The following CLDN16 variants were observed in gnomAD, a reference collection of about 807,000 sequenced individuals.
CLDN16 encodes claudin-16.
In CLDN16, 13 loss-of-function variants were observed where a neutral mutation model predicts 24.6. The observed-to-expected ratio is 0.53, with a 90% CI of 0.34 to 0.84. The LOEUF (loss-of-function observed/expected upper bound fraction) is 0.84. Ranked by LOEUF, CLDN16 falls within the 40% of genes least tolerant of loss-of-function variation. The pLI is 0.01. For synonymous variants in CLDN16, 116 were observed against 106.7 expected (o/e 1.09, Z -0.54); for missense variants, 298 against 292.7 (o/e 1.02, Z -0.13).
the CLDN16 span, among the ~76,000 whole-genome samples, chr3:190,293,976 A>C: frequency 6.6e-6 from 1 of 152,306 alleles, no homozygotes; most frequent in South Asian, 2.1e-4. Context: ...ACAAGTGTGG[A>C]GTTCAATAAA....
At chr3:190,300,080 A>G in the CLDN16 span, among the ~76,000 whole-genome samples, 2 of 152,244 alleles carry the variant, frequency 1.3e-5, no homozygotes, top group Admixed American at 6.5e-5. Flanking sequence ...TCTATTGGCT[A>G]ATTCTCTGTA....
upstream of CLDN16, among the ~76,000 whole-genome samples, chr3:190,385,550 G>A (rs996700793): frequency 1.4e-5 from 2 of 145,668 alleles, no homozygotes; most frequent in Admixed American, 1.4e-4. Flanking sequence ...CATTAGGAGC[G>A]AATGAATGCT....
At chr3:190,331,370 T>G (rs1717176550) in intron 1 of CLDN16, among the ~76,000 whole-genome samples, 2 of 152,202 alleles carry the variant, frequency 1.3e-5, no homozygotes, top group Non-Finnish European at 2.9e-5. Flanking sequence ...GCTTGTTTAT[T>G]ATTTGCTACA....
chr3:190,350,344 TTA>T (rs10563626), intron 1 of CLDN16, among the ~76,000 whole-genome samples: 7,762 of 141,942 alleles, frequency 0.055, 334 homozygotes, highest in East Asian at 0.14. Context: ...GTTCATAATG[TTA>T]TATATATATA....
At chr3:190,314,978 A>T in the CLDN16 span, among the ~76,000 whole-genome samples, 2 of 152,114 alleles carry the variant, frequency 1.3e-5, no homozygotes, top group Non-Finnish European at 2.9e-5. Context: ...GCTGCTTGTA[A>T]GGTTATTACA....
chr3:190,362,580 C>T (rs1717913584), intron 1 of CLDN16, among the ~76,000 whole-genome samples: 1 of 152,012 alleles, frequency 6.6e-6, no homozygotes, highest in Admixed American at 6.6e-5. Context: ...TTCTCCATTG[C>T]AATTCCCGTG....
intron 1 of CLDN16, among the ~76,000 whole-genome samples, chr3:190,400,023 C>T (rs757170135): frequency 6.6e-6 from 1 of 152,168 alleles, no homozygotes; most frequent in Non-Finnish European, 1.5e-5. Context: ...CCAAAAGCAT[C>T]CCCAACCCCC....
chr3:190,402,403 T>G lies in CLDN16; in HGVS notation c.181T>G (p.Cys61Gly). ...AAATGCTTTTGATGGGATTCGCACCTGTGATGAGTACGATTCCATACTTGC... is the reference window on the plus strand; with the variant it reads ...AAATGCTTTTGATGGGATTCGCACCGGTGATGAGTACGATTCCATACTTGC... ...VTNAFDGIRTCDEYDSILAEH... is the reference protein window; with the variant it reads ...VTNAFDGIRTGDEYDSILAEH... Residue 61 changes from cysteine (C) to glycine (G), a missense_variant, in exon 2 of 5, where the codon TGT (cysteine) becomes GGT (glycine). Physicochemically the swap from Cys to Gly is radical, Grantham distance 159. Coordinates refer to ENST00000264734, the MANE Select transcript of CLDN16 (RefSeq NM_006580.4). The G allele has an allele frequency of 6.2e-7, 1 of 1,613,930 alleles. No individual in the cohort carries two copies. Among genetic ancestry groups the G allele is most frequent in the Non-Finnish European group, 8.5e-7 (1 of 1,179,888 alleles).
At chr3:190,369,952 A>G (rs1560089360) in intron 1 of CLDN16, among the ~76,000 whole-genome samples, 1 of 151,986 alleles carries the variant, frequency 6.6e-6, no homozygotes, top group Admixed American at 6.6e-5. Flanking sequence ...GAGAATTGGC[A>G]AAAAGCCTTA....
At chr3:190,380,144 T>TC (rs1560091466) in intron 3 of CLDN16, among the ~76,000 whole-genome samples, 47 of 12,284 alleles carry the variant, frequency 3.8e-3, no homozygotes, top group African/African-American at 0.013. Context: ...TCCTTCCTTT[T>TC]CTTCCTTCCC....
chr3:190,312,458 C>A, the CLDN16 span, among the ~76,000 whole-genome samples: 2 of 152,306 alleles, frequency 1.3e-5, no homozygotes, highest in Non-Finnish European at 2.9e-5. Context: ...CCAATAATCC[C>A]AATCCTTCCA....
At chr3:190,384,797 A>G (rs917179111), upstream of CLDN16, among the ~76,000 whole-genome samples, 2 of 152,176 alleles carry the variant, frequency 1.3e-5, no homozygotes, top group African/African-American at 4.8e-5. Flanking sequence ...AATTTTAAGC[A>G]TGTGGGATGC....
At chr3:190,322,573 G>A (rs769394150) in exon 1 of CLDN16, 25 of 306,524 alleles carry the variant, frequency 8.2e-5, no homozygotes, top group Non-Finnish European at 1.4e-4. Context: ...GTTGGGGAAC[G>A]CGCGGCTGGC....
intron 1 of CLDN16, among the ~76,000 whole-genome samples, chr3:190,369,597 G>A (rs905558758): frequency 3.3e-5 from 5 of 152,010 alleles, no homozygotes; most frequent in Non-Finnish European, 5.9e-5. Context: ...GAAATTGTAT[G>A]TATATCTTAG....
At chr3:190,294,402 G>A in the CLDN16 span, among the ~76,000 whole-genome samples, 1 of 152,156 alleles carries the variant, frequency 6.6e-6, no homozygotes, top group South Asian at 2.1e-4. Context: ...GGCATTGAAA[G>A]ACAATGTATT....
At chr3:190,350,974 C>G (rs959332058) in intron 1 of CLDN16, among the ~76,000 whole-genome samples, 1 of 151,980 alleles carries the variant, frequency 6.6e-6, no homozygotes, top group African/African-American at 2.4e-5. Flanking sequence ...AAATATGACC[C>G]CTATGTTTGA....
chr3:190,408,266 A>G, intron 3 of CLDN16, 48 bp from the exon 4 acceptor site: 2 of 1,568,478 alleles, frequency 1.3e-6, no homozygotes, highest in Non-Finnish European at 1.8e-6. Flanking sequence ...TTGGATTTAA[A>G]TTCAGAAAAT....
chr3:190,323,003 TAC>T lies in CLDN16; in HGVS notation n.121+366_121+367del, dbSNP rs147722582. 4.1e-3 allele frequency among the ~76,000 whole-genome samples: 591 copies of T among 144,434 alleles called. 2 individuals carry two copies. The highest frequency in any genetic ancestry group is 0.014 in the East Asian group (63 of 4,610). 94.8% of individuals were successfully genotyped at this position (144,434 alleles called of 152,430 possible). On this transcript the variant is annotated intron_variant and non_coding_transcript_variant, in intron 1 of 4. Transcript: ENST00000468220. ...AACAGACCCAGAGAGCAACATGATT[TAC>T]ACACACACACACACACACACACAGA...
intron 1 of CLDN16, among the ~76,000 whole-genome samples, chr3:190,347,331 C>T (rs571138353): frequency 6.6e-6 from 1 of 152,144 alleles, no homozygotes; most frequent in South Asian, 2.1e-4. Context: ...GGTAGACCTC[C>T]TATTTATAGT....
Sources: allele counts gnomAD v4.1 joint callset (sites outside exome capture counted in the v4.1 genomes callset), GRCh38; gene constraint gnomAD v4.1.1; transcripts MANE v1.5; gene names NCBI Gene and HGNC (gene_info 2026-07-23, HGNC 2026-07-21).